TFB2M: variants seen among roughly 807,000 people sequenced by gnomAD.
TFB2M encodes the protein dimethyladenosine transferase 2, mitochondrial.
A neutral mutation model predicts 41.3 loss-of-function variants in TFB2M; 44 were observed. The ratio of observed to expected loss-of-function variants is 1.07; its 90% CI spans 0.84 to 1.37. The LOEUF is 1.37. TFB2M is among the 40% of genes most tolerant of loss of function. The probability of loss-of-function intolerance (pLI) is 0.00; values close to 1 mark genes in which losing one functional copy is unlikely to be tolerated. For synonymous variants in TFB2M, 188 were observed against 176.8 expected (o/e 1.06, Z -0.50); for missense variants, 496 against 490.2 (o/e 1.01, Z -0.11).
rs532649538 is a variant in TFB2M, at chr1:246,555,135, A to G, written c.705+1438T>C. Among the ~76,000 whole-genome samples the G allele has an allele frequency of 5.9e-5, 9 of 152,326 alleles. No individual in the cohort carries two copies. In the East Asian group the frequency reaches 1.4e-3, roughly 23 times the overall value. On this transcript the variant is annotated intron_variant, in intron 4 of 7. Coordinates refer to ENST00000366514, the MANE Select transcript of TFB2M (RefSeq NM_022366.3). ...TAGGAAAATGCAAATCAAAAGCACA[A>G]TGAAATACCACTTCATACCATTAGG...
At chr1:246,562,602 C>A (rs989707587) in intron 2 of TFB2M, among the ~76,000 whole-genome samples, 1 of 151,910 alleles carries the variant, frequency 6.6e-6, no homozygotes, top group Non-Finnish European at 1.5e-5. Context: ...CTATAAAAAT[C>A]GAAGGGAGTC....
chr1:246,545,812 GAAAAAAAAAAA>G (rs869274564), intron 6 of TFB2M, among the ~76,000 whole-genome samples: 1 of 52,708 alleles, frequency 1.9e-5, no homozygotes, highest in Non-Finnish European at 3.7e-5. Flanking sequence ...ACCCTGATTC[GAAAAAAAAAAA>G]AAAAAAAAAA....
Position 246,566,032 on chromosome 1 carries a change from A to T in TFB2M, c.107T>A (p.Leu36Ter), listed in dbSNP as rs1463890579. The T allele has an allele frequency of 6.2e-7, 1 of 1,614,180 alleles. No individual in the cohort carries two copies. The highest frequency in any genetic ancestry group is 1.3e-5 in the African/African-American group (1 of 75,058). ...LGSEAATRKHLPARNHCGLSD... is the reference protein window; with the variant it reads ...LGSEAATRKH ...GAGCCCACAGTGGTTCCTCGCCGGC[A>T]AATGCTTTCGCGTCGCCGCTTCAGA... The change falls in exon 1 of 8, where the codon TTG becomes TAG. Residue 36 changes from leucine (L) to a stop codon, truncating the protein, a stop_gained. Coordinates refer to ENST00000366514, the MANE Select transcript of TFB2M (RefSeq NM_022366.3). LOFTEE classifies it high-confidence loss of function.
chr1:246,558,952 T>C (rs997149840), intron 2 of TFB2M, among the ~76,000 whole-genome samples: 1 of 152,150 alleles, frequency 6.6e-6, no homozygotes, highest in Non-Finnish European at 1.5e-5. Flanking sequence ...GAAGGCATTA[T>C]GTTTTTAATG....
chr1:246,564,250 T>C, intron 2 of TFB2M, 96 bp downstream of exon 2: 3 of 1,024,170 alleles, frequency 2.9e-6, no homozygotes, highest in Non-Finnish European at 2.9e-6. Context: ...CTAAAAGATA[T>C]TCTATGTAAA....
Position 246,564,372 on chromosome 1 carries a change from C to G in TFB2M, c.376G>C (p.Asp126His), listed in dbSNP as rs1659534760. 6.2e-7 allele frequency: 1 copy of G among 1,614,024 alleles called. No individual in the cohort carries two copies. The highest frequency in any genetic ancestry group is 8.5e-7 in the Non-Finnish European group (1 of 1,180,016). Residue 126 changes from aspartate (D) to histidine (H), a missense_variant, in exon 2 of 8, where the codon GAC becomes CAC. Asp to His is a moderately conservative substitution (Grantham distance 81, BLOSUM62 -1). Transcript: ENST00000366514. ...TCCAAATGTGGAATAAAAGTTTTGT[C>G]ACTTTCGAGCGCAACCACTTTGGCA... Reference protein sequence around the residue: ...AGAKVVALESDKTFIPHLESL... With the variant: ...AGAKVVALESHKTFIPHLESL...
chr1:246,555,282 C>T (rs938792437), intron 4 of TFB2M, among the ~76,000 whole-genome samples: 1 of 152,128 alleles, frequency 6.6e-6, no homozygotes, highest in Non-Finnish European at 1.5e-5. Context: ...AACAGTATGG[C>T]AGTTCCTCAA....
At chr1:246,558,208 G>A (rs369070229) in intron 2 of TFB2M, among the ~76,000 whole-genome samples, 1 of 148,358 alleles carries the variant, frequency 6.7e-6, no homozygotes, top group African/African-American at 2.5e-5. Flanking sequence ...GTGCAGTGGC[G>A]CAATCCCAGC....
At chr1:246,545,360 C>G (rs1463145123) in intron 6 of TFB2M, among the ~76,000 whole-genome samples, 3 of 152,000 alleles carry the variant, frequency 2.0e-5, no homozygotes, top group African/African-American at 4.8e-5. Context: ...AAAACCCCAT[C>G]TCTATAAAAA....
chr1:246,541,289 T>C lies in TFB2M; in HGVS notation c.1020-87A>G, dbSNP rs1378921079. The C allele has an allele frequency of 6.8e-6, 9 of 1,325,922 alleles. No individual in the cohort carries two copies. In the East Asian group the frequency reaches 2.2e-4, roughly 33 times the overall value. 82.1% of individuals were successfully genotyped at this position (1,325,922 alleles called of 1,614,324 possible). A position where few individuals can be genotyped will look rare whatever the true frequency, so the allele number is the denominator to read the frequency against. Reference sequence around the variant, plus strand: ...TGACAGAAATGGCTTCTAAGTTGAATTCAAAATGTCTAACTTAGGCATACA... The same window carrying C: ...TGACAGAAATGGCTTCTAAGTTGAACTCAAAATGTCTAACTTAGGCATACA... On this transcript the variant is annotated intron_variant, in intron 7 of 7. Coordinates refer to ENST00000366514, the MANE Select transcript of TFB2M (RefSeq NM_022366.3).
At chr1:246,552,368 A>AG (rs1262659489) in intron 4 of TFB2M, among the ~76,000 whole-genome samples, 2 of 152,236 alleles carry the variant, frequency 1.3e-5, no homozygotes, top group African/African-American at 4.8e-5. Context: ...AGCGAGATCA[A>AG]GGTTGTCAGG....
At chr1:246,560,879 T>A (rs1241891503) in intron 2 of TFB2M, among the ~76,000 whole-genome samples, 1 of 152,154 alleles carries the variant, frequency 6.6e-6, no homozygotes, top group Non-Finnish European at 1.5e-5. Flanking sequence ...CTTTGGAGGC[T>A]GAGGCGGGCG....
chr1:246,548,081 G>C (rs1329924320), intron 6 of TFB2M, among the ~76,000 whole-genome samples: 1 of 152,008 alleles, frequency 6.6e-6, no homozygotes, highest in African/African-American at 2.4e-5. Flanking sequence ...TGAATAGCTG[G>C]AATTACAGGC....
intron 2 of TFB2M, among the ~76,000 whole-genome samples, chr1:246,558,453 ACTTT>A (rs796239675): frequency 1.3e-5 from 2 of 152,108 alleles, no homozygotes; most frequent in Admixed American, 6.6e-5. Context: ...GGCCCCACTT[ACTTT>A]CTTTATCATA....
At chr1:246,556,985 C>T (rs1659340524) in intron 3 of TFB2M, among the ~76,000 whole-genome samples, 1 of 152,026 alleles carries the variant, frequency 6.6e-6, no homozygotes, top group Non-Finnish European at 1.5e-5. Flanking sequence ...AAATTATACA[C>T]AAATTCGGCG....
chr1:246,552,005 C>A (rs10465615), intron 4 of TFB2M, among the ~76,000 whole-genome samples: 64,377 of 152,048 alleles, frequency 0.42, 13,853 homozygotes, highest in Non-Finnish European at 0.46. Flanking sequence ...TTTTGCCCCA[C>A]TATCCTAATC....
chr1:246,557,060 G>C (rs1018940983), intron 3 of TFB2M, among the ~76,000 whole-genome samples: 1 of 152,096 alleles, frequency 6.6e-6, no homozygotes, highest in African/African-American at 2.4e-5. Flanking sequence ...GATCACTTGA[G>C]GGCTGGAGTT....
chr1:246,564,560 G>A (rs532114007), intron 1 of TFB2M, 126 bp from the exon 2 acceptor site: 4 of 726,810 alleles, frequency 5.5e-6, no homozygotes, highest in Middle Eastern at 2.9e-4. Flanking sequence ...CCGCAAAGTA[G>A]ATGTCACTCT....
At chr1:246,557,975 C>A (rs1296806167) in intron 2 of TFB2M, among the ~76,000 whole-genome samples, 1 of 151,402 alleles carries the variant, frequency 6.6e-6, no homozygotes, top group Non-Finnish European at 1.5e-5. Context: ...GGCTGAATTA[C>A]CTTTTTACAA....
Sources: gnomAD v4.1 joint callset for allele counts (sites outside exome capture counted in the v4.1 genomes callset) on GRCh38, gnomAD v4.1.1 for gene constraint, MANE v1.5 for transcripts, NCBI Gene and HGNC (gene_info 2026-07-23, HGNC 2026-07-21) for gene names.